NYX: variants seen among roughly 807,000 people sequenced by gnomAD.
NYX encodes leucine-rich repeat protein.
For missense variants in NYX, 481 were observed against 485.4 expected (o/e 0.99, Z 0.09); for synonymous variants, 258 against 245.7 (o/e 1.05, Z -0.47).
chrX:41,468,438 C>T (rs189944133), intron 2 of NYX, among the ~76,000 whole-genome samples: 7 of 110,550 alleles, frequency 6.3e-5, no homozygotes, highest in Non-Finnish European at 1.3e-4. Flanking sequence ...ACTACAGGCA[C>T]GCGCCACCAC....
At chrX:41,471,647 G>A (rs766723658) in intron 2 of NYX, among the ~76,000 whole-genome samples, 1 of 110,741 alleles carries the variant, frequency 9.0e-6, no homozygotes, top group East Asian at 2.8e-4. Context: ...CAATAAACTT[G>A]TCTGTGGAGG....
At chrX:41,447,676 G>C (rs1413978918) in intron 1 of NYX, 160 bp downstream of exon 1, 7 of 453,870 alleles carry the variant, frequency 1.5e-5, no homozygotes, top group Non-Finnish European at 2.3e-5. Context: ...TTTGTGGGGA[G>C]CTTCTGATTT....
chrX:41,447,738 G>A (rs1355023034), intron 1 of NYX, 111 bp from the exon 2 acceptor site: 2 of 554,805 alleles, frequency 3.6e-6, no homozygotes, highest in African/African-American at 4.6e-5. Flanking sequence ...TAAGAAGGAA[G>A]GAATGTGAGG....
In NYX at chrX:41,474,235, TG is replaced by T. The variant is rs2147026037; in HGVS notation, c.770del (p.Gly257ValfsTer86). On this transcript the variant is annotated frameshift_variant, in exon 3 of 3. Transcript: ENST00000378220. LOFTEE classifies it low-confidence loss of function (END_TRUNC). Reference sequence around the variant, plus strand: ...CTGCGGCGCCTGCGCACGCTCAACCTGGGTGGCAACGCGCTGGACCGCGTGG... The same window carrying T: ...CTGCGGCGCCTGCGCACGCTCAACCTGGTGGCAACGCGCTGGACCGCGTGG... ...RGLRRLRTLN[L>X]GGNALDRVAR... The T allele has an allele frequency of 2.5e-6, 3 of 1,199,952 alleles. No individual in the cohort carries two copies. Among genetic ancestry groups the T allele is most frequent in the Non-Finnish European group, 3.4e-6 (3 of 893,844 alleles).
chrX:41,450,859 T>C (rs12862518), intron 2 of NYX, among the ~76,000 whole-genome samples: 1 of 89,123 alleles, frequency 1.1e-5, no homozygotes, highest in African/African-American at 4.1e-5. Flanking sequence ...TTTTTTTGGG[T>C]ATTTTTAGTA....
At chrX:41,471,857 G>A (rs1402476391) in intron 2 of NYX, among the ~76,000 whole-genome samples, 3 of 106,991 alleles carry the variant, frequency 2.8e-5, no homozygotes, top group African/African-American at 1.0e-4. Context: ...TTCCCCTGGG[G>A]TAACTGGTTC....
chrX:41,453,529 C>G (rs1288583761), intron 2 of NYX, among the ~76,000 whole-genome samples: 1 of 107,601 alleles, frequency 9.3e-6, no homozygotes, highest in Non-Finnish European at 1.9e-5. Context: ...GATCTCTGCT[C>G]ACTGCAACCT....
chrX:41,472,311 C>T, intron 2 of NYX: 1 of 1,146,588 alleles, frequency 8.7e-7, no homozygotes, highest in Admixed American at 2.2e-5. Context: ...AGCGCCTCTG[C>T]TTGCACACCT....
intron 2 of NYX, among the ~76,000 whole-genome samples, chrX:41,467,179 A>T (rs1040695037): frequency 2.7e-5 from 3 of 109,943 alleles, no homozygotes; most frequent in Non-Finnish European, 3.8e-5. Flanking sequence ...GATAGAAGCT[A>T]CTCTGCCATG....
chrX:41,470,651 C>T (rs1415307899), intron 2 of NYX, among the ~76,000 whole-genome samples: 4 of 96,915 alleles, frequency 4.1e-5, no homozygotes, highest in African/African-American at 3.9e-5. Flanking sequence ...CCGAGATTAG[C>T]GCCATTGCAC....
chrX:41,463,539 C>T (rs1220120738), intron 2 of NYX, among the ~76,000 whole-genome samples: 1 of 110,020 alleles, frequency 9.1e-6, no homozygotes, highest in Non-Finnish European at 1.9e-5. Flanking sequence ...TCTCCTGCCT[C>T]AGCCTCCCGA....
rs936986214 is a variant in NYX, at chrX:41,471,272, C to T, written c.23-2219C>T. Among the ~76,000 whole-genome samples, 6 of 110,969 alleles carry T rather than the reference C, an allele frequency of 5.4e-5. No homozygotes were observed. In the South Asian group the frequency reaches 1.1e-3, roughly 21 times the overall value. On this transcript the variant is annotated intron_variant, in intron 2 of 2. Transcript: ENST00000378220. ...GATTACAGGTGCCCACCACCATGCC[C>T]GGCTAATTTTTGTATTTTTAGTAGA... is the stretch of plus-strand genomic sequence containing the variant.
rs150131852 is a variant in NYX at position 41,453,430 on chromosome X, A to G, written c.22+5504A>G. Among the ~76,000 whole-genome samples the G allele has an allele frequency of 9.9e-3, 1,085 of 109,779 alleles. 13 individuals are homozygous for G. The highest frequency in any genetic ancestry group is 0.014 in the Non-Finnish European group (739 of 52,708). ...AAATTCACACAAGATAAAATTAACCATTAACTATCTTATTTTCTTCTTCTT... is the reference window on the plus strand; with the variant it reads ...AAATTCACACAAGATAAAATTAACCGTTAACTATCTTATTTTCTTCTTCTT... On this transcript the variant is annotated intron_variant, in intron 2 of 2. Coordinates refer to ENST00000378220, the MANE Select transcript of NYX (RefSeq NM_001378477.3).
In NYX at chrX:41,473,900, C is replaced by A; in HGVS notation, c.432C>A (p.Ser144Arg). 1 of 1,126,172 alleles carries A rather than the reference C, an allele frequency of 8.9e-7. No individual in the cohort carries two copies. Among genetic ancestry groups the A allele is most frequent in the South Asian group, 2.0e-5 (1 of 50,332 alleles). 92.8% of individuals were successfully genotyped at this position (1,126,172 alleles called of 1,213,427 possible). Residue 144 changes from serine to arginine, a missense_variant, in exon 3 of 3, where the codon AGC becomes AGA. By Grantham distance (110) the Ser-to-Arg change is moderately radical. Transcript: ENST00000378220. ...RLDLAACRLFSVPERLLAELP... is the reference protein window; with the variant it reads ...RLDLAACRLFRVPERLLAELP... ...ACCTAGCAGCCTGCCGCCTCTTCAGCGTGCCCGAGCGCCTCCTGGCCGAAC... is the reference window on the plus strand; with the variant it reads ...ACCTAGCAGCCTGCCGCCTCTTCAGAGTGCCCGAGCGCCTCCTGGCCGAAC...
intron 2 of NYX, among the ~76,000 whole-genome samples, chrX:41,468,734 C>T (rs1405722749): frequency 2.7e-5 from 3 of 112,217 alleles, no homozygotes; most frequent in Non-Finnish European, 5.6e-5. Flanking sequence ...ACTGAGTGTA[C>T]TTTCCTTAAT....
intron 2 of NYX, chrX:41,472,176 G>A: frequency 2.0e-6 from 1 of 490,628 alleles, no homozygotes; most frequent in Non-Finnish European, 3.3e-6. Context: ...TAACTCCATG[G>A]AGCCCAGAGT....
chrX:41,460,809 T>C (rs1345492740), intron 2 of NYX, among the ~76,000 whole-genome samples: 1 of 106,787 alleles, frequency 9.4e-6, no homozygotes, highest in Non-Finnish European at 1.9e-5. Context: ...CAACCCCTGA[T>C]CTTTCTGTTA....
rs769891011 is a variant in NYX at position 41,455,257 on chromosome X, C to G, written c.22+7331C>G. ...AGTAGCTGGGATTACAGGCGCCCAC[C>G]ACCATGCCCGGCTAATTTTTTGTGT... On this transcript the variant is annotated intron_variant, in intron 2 of 2. Transcript: ENST00000378220. Among the ~76,000 whole-genome samples, 286 of 109,970 alleles carry G rather than the reference C, an allele frequency of 2.6e-3. 2 individuals are homozygous for G. The highest frequency in any genetic ancestry group is 9.3e-3 in the African/African-American group (280 of 30,243).
intron 2 of NYX, among the ~76,000 whole-genome samples, chrX:41,449,884 G>A (rs1228136559): frequency 2.7e-5 from 3 of 111,772 alleles, no homozygotes; most frequent in African/African-American, 6.5e-5. Flanking sequence ...AGCAAGCACA[G>A]AGAATATTTC....
Sources: allele counts gnomAD v4.1 joint callset (sites outside exome capture counted in the v4.1 genomes callset), GRCh38; gene constraint gnomAD v4.1.1; transcripts MANE v1.5; gene names NCBI Gene and HGNC (gene_info 2026-07-23, HGNC 2026-07-21).